NBAS: variants seen among roughly 807,000 people sequenced by gnomAD.
The protein encoded by NBAS is NAG/BC035112 fusion.
In NBAS, 219 loss-of-function variants were observed where a neutral mutation model predicts 302.5. The ratio of observed to expected loss-of-function variants is 0.72; its 90% CI spans 0.65 to 0.81. The LOEUF (loss-of-function observed/expected upper bound fraction) is 0.81. Ranked by LOEUF, NBAS falls within the 30% of genes least tolerant of loss-of-function variation. NBAS has a pLI of 0.00. For synonymous variants in NBAS, 1,118 were observed against 1,021.6 expected (o/e 1.09, Z -1.80); for missense variants, 2,932 against 2,841.6 (o/e 1.03, Z -0.72).
chr2:14,939,487 G>A, the NBAS span, among the ~76,000 whole-genome samples: 2 of 152,322 alleles, frequency 1.3e-5, no homozygotes, highest in African/African-American at 2.4e-5. Context: ...CTGACTCCAG[G>A]TTCCTTGTTT....
chr2:15,263,391 G>A (rs1668936185), intron 44 of NBAS, among the ~76,000 whole-genome samples: 1 of 152,082 alleles, frequency 6.6e-6, no homozygotes, highest in African/African-American at 2.4e-5. Flanking sequence ...ACTGCACCCA[G>A]GCTAAAAGTA....
chr2:14,909,310 A>G, the NBAS span, among the ~76,000 whole-genome samples: 4 of 139,094 alleles, frequency 2.9e-5, no homozygotes, highest in Non-Finnish European at 6.1e-5. Context: ...ACAGAGCGAG[A>G]CTCCGTCTCA....
intron 32 of NBAS, among the ~76,000 whole-genome samples, chr2:15,364,158 T>C (rs961840038): frequency 3.3e-5 from 5 of 152,174 alleles, no homozygotes; most frequent in East Asian, 3.9e-4. Flanking sequence ...CCCCTTGAAG[T>C]TGGCAAGGTC....
At chr2:15,190,219 C>T (rs771237269) in intron 49 of NBAS, 45 bp downstream of exon 49, 1 of 1,608,536 alleles carries the variant, frequency 6.2e-7, no homozygotes, top group Non-Finnish European at 8.5e-7. Flanking sequence ...GGCTAAAGTC[C>T]AAACAAAAGA....
rs749459870 is a variant in NBAS, at chr2:15,556,782, C to T, written c.209+1G>A. ...GTTTCTCTGAAGAACCGAAGACTCA[C>T]CTGTACCAGATGTATTGGCGTAAAA... On this transcript the variant is annotated splice_donor_variant, in intron 3 of 51. Coordinates refer to ENST00000281513, the MANE Select transcript of NBAS (RefSeq NM_015909.4). LOFTEE classifies it high-confidence loss of function. 1.2e-6 allele frequency: 2 copies of T among 1,609,230 alleles called. No homozygotes were observed. Among genetic ancestry groups the T allele is most frequent in the African/African-American group, 1.3e-5 (1 of 74,858 alleles).
chr2:15,314,145 G>A (rs1671401349), intron 38 of NBAS, among the ~76,000 whole-genome samples: 2 of 152,264 alleles, frequency 1.3e-5, no homozygotes, highest in South Asian at 2.1e-4. Flanking sequence ...CTTGAAGCTA[G>A]GAGTTTGAGA....
chr2:15,144,669 C>G, the NBAS span, among the ~76,000 whole-genome samples: 1 of 152,118 alleles, frequency 6.6e-6, no homozygotes, highest in African/African-American at 2.4e-5. Context: ...TTTTGCATAT[C>G]TATCCTCTAA....
At chr2:15,498,659 A>T (rs375462142) in intron 11 of NBAS, among the ~76,000 whole-genome samples, 3 of 152,226 alleles carry the variant, frequency 2.0e-5, no homozygotes, top group African/African-American at 7.2e-5. Context: ...TGACTGAACC[A>T]TGGGGGCGGA....
chr2:15,360,649 C>T (rs892564023), intron 32 of NBAS, among the ~76,000 whole-genome samples: 6 of 123,270 alleles, frequency 4.9e-5, no homozygotes, highest in Non-Finnish European at 8.3e-5. Flanking sequence ...CATGACCAGC[C>T]TTTTTTTTTT....
chr2:15,360,570 G>C (rs941057687), intron 32 of NBAS, among the ~76,000 whole-genome samples: 1 of 150,492 alleles, frequency 6.6e-6, no homozygotes, highest in Non-Finnish European at 1.5e-5. Flanking sequence ...GGATGGTGTG[G>C]AACTCCTGGC....
chr2:14,947,565 A>G, the NBAS span, among the ~76,000 whole-genome samples: 1 of 152,142 alleles, frequency 6.6e-6, no homozygotes, highest in Non-Finnish European at 1.5e-5. Flanking sequence ...TAAGTATAAG[A>G]GCATGTCACC....
chr2:15,029,599 G>C, the NBAS span, among the ~76,000 whole-genome samples: 6 of 152,348 alleles, frequency 3.9e-5, no homozygotes, highest in East Asian at 1.2e-3. Flanking sequence ...ATCACGGTAG[G>C]AAGTATATGA....
chr2:15,514,411 CG>C (rs1662289947), intron 9 of NBAS, among the ~76,000 whole-genome samples: 1 of 152,100 alleles, frequency 6.6e-6, no homozygotes, highest in Admixed American at 6.6e-5. Context: ...TTAATCACAA[CG>C]TTTTTTCAAT....
intron 51 of NBAS, among the ~76,000 whole-genome samples, chr2:15,176,484 C>A (rs1026596028): frequency 2.0e-5 from 3 of 151,854 alleles, no homozygotes; most frequent in African/African-American, 7.3e-5. Context: ...CACACACATA[C>A]ACTCAAGAGT....
At chr2:15,106,428 T>C in the NBAS span, among the ~76,000 whole-genome samples, 1 of 142,414 alleles carries the variant, frequency 7.0e-6, no homozygotes, top group African/African-American at 2.6e-5. Flanking sequence ...TGGGTGTCTC[T>C]CTGTGCCTCT....
chr2:14,940,368 G>T, the NBAS span, among the ~76,000 whole-genome samples: 1 of 152,106 alleles, frequency 6.6e-6, no homozygotes, highest in Non-Finnish European at 1.5e-5. Context: ...CTCCAGTCAT[G>T]TGACATGTCT....
chr2:15,342,990 G>A (rs1334495576), intron 35 of NBAS, among the ~76,000 whole-genome samples: 7 of 151,074 alleles, frequency 4.6e-5, no homozygotes, highest in Non-Finnish European at 8.8e-5. Flanking sequence ...AAAAATCAAA[G>A]GACACCCAAG....
At chr2:14,949,747 A>G in the NBAS span, among the ~76,000 whole-genome samples, 3 of 152,322 alleles carry the variant, frequency 2.0e-5, no homozygotes, top group Non-Finnish European at 4.4e-5. Flanking sequence ...TTGCAGCCAC[A>G]TGGATGGAAC....
the NBAS span, among the ~76,000 whole-genome samples, chr2:15,114,885 G>A: frequency 6.6e-6 from 1 of 152,154 alleles, no homozygotes; most frequent in Non-Finnish European, 1.5e-5. Context: ...TGATAAATAT[G>A]AAGATAAACA....
Sources: allele counts gnomAD v4.1 joint callset (sites outside exome capture counted in the v4.1 genomes callset), GRCh38; gene constraint gnomAD v4.1.1; transcripts MANE v1.5; gene names NCBI Gene and HGNC (gene_info 2026-07-23, HGNC 2026-07-21).